Variants in EPG5 observed in about 807,000 individuals in gnomAD.
The protein encoded by EPG5 is ectopic P granules protein 5 homolog.
A neutral mutation model predicts 302.7 loss-of-function variants in EPG5; 159 were observed. That is an observed-to-expected ratio of 0.53 (90% CI 0.46 to 0.60). The LOEUF (loss-of-function observed/expected upper bound fraction) is 0.60, where lower values mean the gene tolerates loss of function less well. Ranked by LOEUF, EPG5 falls within the 20% of genes least tolerant of loss-of-function variation. The pLI is 0.00. For missense variants in EPG5, 2,896 were observed against 3,092.4 expected (o/e 0.94, Z 1.51); for synonymous variants, 1,158 against 1,136.8 (o/e 1.02, Z -0.37).
rs754742313 is a variant in EPG5 at position 45,946,715 on chromosome 18, G to A, written c.1625C>T (p.Ser542Phe). The A allele has an allele frequency of 5.0e-6, 8 of 1,614,072 alleles. No individual in the cohort carries two copies. The Admixed American group carries it at 1.2e-4, about 24-fold the overall frequency. ...HMKPSERKPS[S>F]SGPGSGTWTL... is the part of the protein sequence containing the mutation. ...CCAAGTCCCAGACCCAGGCCCTGAG[G>A]AGGATGGCTTCCGCTCGCTGGGCTT... Residue 542 changes from serine to phenylalanine, a missense_variant, in exon 7 of 44, where the codon TCC becomes TTC. Physicochemically the swap from Ser to Phe is radical, Grantham distance 155. Transcript: ENST00000282041.
chr18:45,952,536 A>C lies in EPG5; in HGVS notation c.1116T>G (p.Ser372=). 1 of 1,614,198 alleles carries C rather than the reference A, an allele frequency of 6.2e-7. No homozygotes were observed. The highest frequency in any genetic ancestry group is 8.5e-7 in the Non-Finnish European group (1 of 1,180,030). The change falls in exon 3 of 44, where the codon TCT becomes TCG. Residue 372 remains serine, a synonymous_variant. Coordinates refer to ENST00000282041, the MANE Select transcript of EPG5 (RefSeq NM_020964.3). ...VELKKLFDAK[S]EHLHQTLALH... is the part of the protein sequence containing the mutation. ...GGGCCAGGGTCTGGTGGAGGTGCTC[A>C]GATTTGGCATCGAATAGCTTCTTTA...
chr18:45,897,697 CA>C (rs2049510811), intron 27 of EPG5, among the ~76,000 whole-genome samples: 1 of 152,116 alleles, frequency 6.6e-6, no homozygotes. Flanking sequence ...ACTTTTAGGT[CA>C]AATTTCTGAA....
At chr18:45,830,753 T>TTC in the EPG5 span, among the ~76,000 whole-genome samples, 2 of 12,038 alleles carry the variant, frequency 1.7e-4, no homozygotes, top group South Asian at 4.8e-3. Context: ...GCCAGGCTAA[T>TTC]TTTTTTTTTT....
Position 45,930,776 on chromosome 18 carries a change from T to C in EPG5, c.2312A>G (p.Glu771Gly). 1.2e-6 allele frequency: 2 copies of C among 1,610,552 alleles called. No homozygotes were observed. Among genetic ancestry groups the C allele is most frequent in the South Asian group, 1.1e-5 (1 of 89,988 alleles). ...AAAGGTAGTCAGAAGGCAAATCTCT[T>C]CTGAGCTATTCATAGAAGAAAGACA... ...EKCLSSMNSS[E>G]EICLLTTFAQ... Residue 771 changes from glutamate to glycine, a missense_variant, in exon 12 of 44, where the codon GAA becomes GGA. Coordinates refer to ENST00000282041, the MANE Select transcript of EPG5 (RefSeq NM_020964.3).
chr18:45,964,355 C>T (rs1024046830), intron 1 of EPG5, among the ~76,000 whole-genome samples: 3 of 152,158 alleles, frequency 2.0e-5, no homozygotes, highest in Non-Finnish European at 2.9e-5. Flanking sequence ...AGTTCTCTCA[C>T]GAACTGCATG....
At chr18:45,827,896 A>G in the EPG5 span, among the ~76,000 whole-genome samples, 164 of 152,330 alleles carry the variant, frequency 1.1e-3, no homozygotes, top group Middle Eastern at 3.4e-3. Flanking sequence ...ATGTTCAAAA[A>G]CAAACGCCAA....
intron 19 of EPG5, among the ~76,000 whole-genome samples, 186 bp downstream of exon 19, chr18:45,915,823 C>T (rs1481648741): frequency 6.6e-6 from 1 of 152,224 alleles, no homozygotes; most frequent in Admixed American, 6.5e-5. Context: ...CTGGGCTGTC[C>T]TTTCCAACTT....
At chr18:45,915,435 G>A in intron 20 of EPG5, 76 bp downstream of exon 20, 2 of 1,047,054 alleles carry the variant, frequency 1.9e-6, no homozygotes, top group South Asian at 2.8e-5. Context: ...TAGACAATTA[G>A]TAATTTCTTT....
chr18:45,930,655 T>C, intron 12 of EPG5, 21 bp downstream of exon 12: 1 of 1,530,696 alleles, frequency 6.5e-7, no homozygotes, highest in Non-Finnish European at 8.8e-7. Flanking sequence ...TTAGCTGATT[T>C]ATAAAACTTC....
At chr18:45,810,040 C>T in the EPG5 span, among the ~76,000 whole-genome samples, 2 of 152,118 alleles carry the variant, frequency 1.3e-5, no homozygotes, top group African/African-American at 2.4e-5. Flanking sequence ...GATATTATAA[C>T]TGAAACCACA....
Position 45,855,701 on chromosome 18 carries a change from G to T in EPG5, c.7443-14C>A. ...ACCACTCGGAACCTTAGGCATTAGG[G>T]AGAGGTCAGAAGAAGTAAATGGCTA... is the stretch of plus-strand genomic sequence containing the variant. On this transcript the variant is annotated splice_polypyrimidine_tract_variant and intron_variant, in intron 42 of 43. Coordinates refer to ENST00000282041, the MANE Select transcript of EPG5 (RefSeq NM_020964.3). 1.3e-6 allele frequency: 2 copies of T among 1,578,910 alleles called. No homozygotes were observed. The highest frequency in any genetic ancestry group is 1.7e-6 in the Non-Finnish European group (2 of 1,147,974).
In EPG5 at chr18:45,944,080, C is replaced by G; in HGVS notation, c.1717G>C (p.Asp573His). The change falls in exon 8 of 44, where the codon GAT becomes CAT. Residue 573 changes from aspartate to histidine, a missense_variant. Physicochemically the swap from Asp to His is moderately conservative, Grantham distance 81 (BLOSUM62 -1). This residue lies in a region of EPG5 where 1,390 missense variants were observed against 1,430.0 expected (regional missense o/e 0.97). Transcript: ENST00000282041. ...TGTGCTAAAATGGTAACCAAATCAT[C>G]TTCATTAAGGAGAATCCAACTGGTC... ...PETSWILLNE[D>H]DLVTILAQFP... 1 of 1,613,964 alleles carries G rather than the reference C, an allele frequency of 6.2e-7. No individual in the cohort carries two copies.
In EPG5 at chr18:45,950,517, T is replaced by C. The variant is rs551967789; in HGVS notation, c.1389+585A>G. On this transcript the variant is annotated intron_variant, in intron 4 of 43. Transcript: ENST00000282041. ...AAGTGCCTTTTGCCCTCCACCATGA[T>C]TCTGAGACCTCCTCAGCCATATGGA... 9.2e-4 allele frequency among the ~76,000 whole-genome samples: 140 copies of C among 152,352 alleles called. 1 individual carries two copies. Among genetic ancestry groups the C allele is most frequent in the Non-Finnish European group, 1.7e-3 (115 of 68,024 alleles).
the EPG5 span, chr18:45,838,966 A>AG: frequency 1.2e-6 from 2 of 1,604,048 alleles, no homozygotes; most frequent in South Asian, 2.2e-5. Flanking sequence ...CTCCGAGGCC[A>AG]GCGTCTACCT....
chr18:45,962,529 C>T (rs893242725), intron 1 of EPG5, among the ~76,000 whole-genome samples: 2 of 152,124 alleles, frequency 1.3e-5, no homozygotes, highest in Non-Finnish European at 2.9e-5. Flanking sequence ...GAGAATGACA[C>T]TAAAGAAATG....
chr18:45,828,381 A>G, the EPG5 span, among the ~76,000 whole-genome samples: 1 of 151,994 alleles, frequency 6.6e-6, no homozygotes, highest in African/African-American at 2.4e-5. Context: ...CTCCCCACAT[A>G]GCCTCCCAGG....
chr18:45,825,710 G>A, the EPG5 span: 2 of 1,614,146 alleles, frequency 1.2e-6, no homozygotes, highest in South Asian at 2.2e-5. Context: ...CTGGCCTGGG[G>A]TGTTCAGATG....
downstream of EPG5, chr18:45,842,884 G>C (rs1599401524): frequency 6.6e-6 from 1 of 152,238 alleles, no homozygotes; most frequent in African/African-American, 2.4e-5. Context: ...CAAGCCTGGG[G>C]CAGGGGCTGT....
At chr18:45,918,343 C>A (rs2050078025) in intron 16 of EPG5, among the ~76,000 whole-genome samples, 1 of 152,106 alleles carries the variant, frequency 6.6e-6, no homozygotes, top group Non-Finnish European at 1.5e-5. Context: ...ATCCCTAATC[C>A]AAAAGTCCCA....
Sources: allele counts gnomAD v4.1 joint callset (sites outside exome capture counted in the v4.1 genomes callset), GRCh38; gene constraint gnomAD v4.1.1; regional missense constraint gnomAD v4.1.1; transcripts MANE v1.5; gene names NCBI Gene and HGNC (gene_info 2026-07-23, HGNC 2026-07-21).